SPTBN1: variants seen among roughly 807,000 people sequenced by gnomAD.
SPTBN1 encodes spectrin beta chain, non-erythrocytic 1.
A neutral mutation model predicts 266.4 loss-of-function variants in SPTBN1; 32 were observed. The ratio of observed to expected loss-of-function variants is 0.12; its 90% CI spans 0.09 to 0.16. The LOEUF is 0.16. Ranked by LOEUF, SPTBN1 falls within the 10% of genes least tolerant of loss-of-function variation. SPTBN1 has a pLI of 1.00. For missense variants in SPTBN1, 2,296 were observed against 3,067.1 expected (o/e 0.75, Z 5.94); for synonymous variants, 1,336 against 1,162.2 (o/e 1.15, Z -3.04).
chr2:54,552,875 G>C (rs1012539861), intron 2 of SPTBN1, among the ~76,000 whole-genome samples: 1 of 152,242 alleles, frequency 6.6e-6, no homozygotes, highest in Non-Finnish European at 1.5e-5. Flanking sequence ...TTTTCTAAGA[G>C]TAGTGTGAGT....
Position 54,631,947 on chromosome 2 carries a change from C to A in SPTBN1, c.3564+336C>A, listed in dbSNP as rs186766106. Among the ~76,000 whole-genome samples the A allele has an allele frequency of 3.7e-3, 563 of 152,198 alleles. 2 individuals are homozygous for A. Among genetic ancestry groups the A allele is most frequent in the Middle Eastern group, 6.8e-3 (2 of 294 alleles). On this transcript the variant is annotated intron_variant, in intron 16 of 35. Transcript: ENST00000356805. ...ACAGTGAGGGCCAGGCATGATGACT[C>A]ACTCCTGTAATCCCAGCTCTTGGGG...
intron 1 of SPTBN1, among the ~76,000 whole-genome samples, chr2:54,488,514 C>T (rs751238001): frequency 2.0e-5 from 3 of 152,040 alleles, no homozygotes; most frequent in Non-Finnish European, 2.9e-5. Context: ...CTATTTCTTG[C>T]TTCATTATAA....
At chr2:54,497,333 T>C (rs1171659228) in intron 1 of SPTBN1, among the ~76,000 whole-genome samples, 1 of 152,236 alleles carries the variant, frequency 6.6e-6, no homozygotes, top group Non-Finnish European at 1.5e-5. Context: ...CTGGAACATT[T>C]AGCCACTGCA....
rs184415404 is a variant in SPTBN1, at chr2:54,623,312, C to T, written c.1065-167C>T. 2.4e-4 allele frequency among the ~76,000 whole-genome samples: 37 copies of T among 152,328 alleles called. No individual in the cohort carries two copies. The East Asian group carries it at 6.4e-3, about 26-fold the overall frequency. On this transcript the variant is annotated intron_variant, in intron 9 of 35. Coordinates refer to ENST00000356805, the MANE Select transcript of SPTBN1 (RefSeq NM_003128.3). ...TGTCAGCAACAACAAAGAAATTCCA[C>T]GGTTTGGTATGTTTCAAGGTTTGTA...
At chr2:54,578,471 G>A (rs904435491) in intron 2 of SPTBN1, among the ~76,000 whole-genome samples, 1 of 152,148 alleles carries the variant, frequency 6.6e-6, no homozygotes. Flanking sequence ...TGCTGCTGCT[G>A]CTGCTGCCAA....
intron 34 of SPTBN1, among the ~76,000 whole-genome samples, chr2:54,667,282 G>T (rs925178818): frequency 7.2e-5 from 11 of 152,186 alleles, no homozygotes; most frequent in African/African-American, 2.4e-4. Flanking sequence ...ACTCAGTTTA[G>T]ACCAGTAAGT....
chr2:54,659,871 T>G, intron 31 of SPTBN1, 65 bp from the exon 32 acceptor site: 1 of 1,567,140 alleles, frequency 6.4e-7, no homozygotes, highest in Non-Finnish European at 8.7e-7. Context: ...TCCCACCCTT[T>G]CTTACTGTTT....
intron 1 of SPTBN1, among the ~76,000 whole-genome samples, chr2:54,472,020 A>ATATTT (rs1420661034): frequency 2.1e-5 from 1 of 48,498 alleles, no homozygotes; most frequent in African/African-American, 1.2e-4. Context: ...GGCCCTGAAG[A>ATATTT]TGTTTTTTTT....
chr2:54,539,205 C>G (rs928110086), intron 2 of SPTBN1, among the ~76,000 whole-genome samples: 3 of 152,172 alleles, frequency 2.0e-5, no homozygotes, highest in Non-Finnish European at 2.9e-5. Flanking sequence ...AGCACCTCAC[C>G]TAAGTCTGAA....
chr2:54,663,207 A>T (rs1314522338), intron 32 of SPTBN1: 2 of 152,244 alleles, frequency 1.3e-5, no homozygotes, highest in Non-Finnish European at 2.9e-5. Context: ...GGTGGTGGCC[A>T]GTCTACCGTT....
At chr2:54,483,166 G>A (rs1238543759) in intron 1 of SPTBN1, among the ~76,000 whole-genome samples, 2 of 152,186 alleles carry the variant, frequency 1.3e-5, no homozygotes, top group African/African-American at 4.8e-5. Flanking sequence ...TTCTGCTGGA[G>A]AAAGACCTGC....
chr2:54,645,076 A>G lies in SPTBN1; in HGVS notation c.4270-153A>G, dbSNP rs1679830598. 1.5e-6 allele frequency: 1 copy of G among 681,596 alleles called. No homozygotes were observed. Among genetic ancestry groups the G allele is most frequent in the Admixed American group, 2.8e-5 (1 of 35,634 alleles). The allele number at this position is 681,596 out of a possible 1,614,324, so 42.2% of individuals were successfully genotyped here. ...GATTTACTTGAAAACAGTTCCATTG[A>G]TGTTGAAAAGCAAGTCAGTGGCAAA... On this transcript the variant is annotated intron_variant, in intron 20 of 35. Transcript: ENST00000356805. This position sits in a 1 kb window ranked among gnomAD's most constrained non-coding sequence, Gnocchi z 4.3.
intron 3 of SPTBN1, among the ~76,000 whole-genome samples, chr2:54,603,003 A>G (rs902011381): frequency 6.6e-6 from 1 of 152,268 alleles, no homozygotes; most frequent in Admixed American, 6.5e-5. Context: ...AACCAGCCAC[A>G]GAACTCCTAC....
intron 32 of SPTBN1, chr2:54,663,511 GC>G (rs929565732): frequency 6.6e-5 from 10 of 152,206 alleles, no homozygotes; most frequent in African/African-American, 2.4e-4. Context: ...AAGCCGAAAA[GC>G]CATGAGGGTT....
intron 1 of SPTBN1, among the ~76,000 whole-genome samples, chr2:54,492,753 A>T (rs2104029276): frequency 6.6e-6 from 1 of 152,328 alleles, no homozygotes; most frequent in Admixed American, 6.5e-5. Flanking sequence ...TTGACTACTG[A>T]GTGGATTTCC....
In SPTBN1 at chr2:54,646,136, T is replaced by C; in HGVS notation, c.4585-58T>C. The C allele has an allele frequency of 6.3e-7, 1 of 1,595,736 alleles. No homozygotes were observed. The highest frequency in any genetic ancestry group is 8.6e-7 in the Non-Finnish European group (1 of 1,169,520). On this transcript the variant is annotated intron_variant, in intron 22 of 35. Coordinates refer to ENST00000356805, the MANE Select transcript of SPTBN1 (RefSeq NM_003128.3). The surrounding 1 kb of genome is among the most constrained non-coding windows in gnomAD (Gnocchi z 4.4). ...TCTTTCTGGCCCTAACAGCTTGACATAAGCAGCAGACGGCTGCCATTTAGC... is the reference window on the plus strand; with the variant it reads ...TCTTTCTGGCCCTAACAGCTTGACACAAGCAGCAGACGGCTGCCATTTAGC...
intron 2 of SPTBN1, among the ~76,000 whole-genome samples, chr2:54,562,644 C>T (rs887257547): frequency 2.0e-5 from 3 of 150,544 alleles, no homozygotes; most frequent in African/African-American, 4.9e-5. Flanking sequence ...GATTCTCCCA[C>T]CTCAGTCTCC....
At chr2:54,505,649 T>C (rs1418441664) in intron 1 of SPTBN1, among the ~76,000 whole-genome samples, 1 of 152,108 alleles carries the variant, frequency 6.6e-6, no homozygotes, top group Non-Finnish European at 1.5e-5. Context: ...CCTAGGTGTC[T>C]TACAGCCTGG....
At chr2:54,459,031 A>T (rs970669367) in intron 1 of SPTBN1, among the ~76,000 whole-genome samples, 2 of 152,172 alleles carry the variant, frequency 1.3e-5, no homozygotes, top group African/African-American at 4.8e-5. Flanking sequence ...TTGCGTACAG[A>T]TTTTTATGAA....
Sources: allele counts gnomAD v4.1 joint callset (sites outside exome capture counted in the v4.1 genomes callset), GRCh38; gene constraint gnomAD v4.1.1; non-coding constraint Gnocchi (gnomAD v3.1); transcripts MANE v1.5; gene names NCBI Gene and HGNC (gene_info 2026-07-23, HGNC 2026-07-21).